Variants in LEFTY2 observed in about 807,000 individuals in gnomAD.
LEFTY2 encodes left-right determination factor 2.
In LEFTY2, 10 loss-of-function variants were observed where a neutral mutation model predicts 26.4. The observed-to-expected ratio is 0.38, with a 90% CI of 0.23 to 0.64. The LOEUF (loss-of-function observed/expected upper bound fraction) is 0.64, where lower values mean the gene tolerates loss of function less well. Ranked by LOEUF, LEFTY2 falls within the 30% of genes least tolerant of loss-of-function variation. LEFTY2 has a pLI of 0.56. For synonymous variants in LEFTY2, 204 were observed against 234.1 expected (o/e 0.87, Z 1.17); for missense variants, 407 against 502.1 (o/e 0.81, Z 1.81).
At chr1:225,940,284 G>A (rs1165919796) in intron 1 of LEFTY2, among the ~76,000 whole-genome samples, 1 of 152,184 alleles carries the variant, frequency 6.6e-6, no homozygotes, top group African/African-American at 2.4e-5. Context: ...CTAGCTCTGG[G>A]CACTGAGGAG....
rs1160219425 is a variant in LEFTY2 at position 225,939,523 on chromosome 1, C to T, written c.575G>A (p.Arg192Gln). The T allele has an allele frequency of 6.2e-7, 1 of 1,610,996 alleles. No homozygotes were observed. Among genetic ancestry groups the T allele is most frequent in the Admixed American group, 1.7e-5 (1 of 59,964 alleles). ...CTGTAGCAGCAGCGGCTGCCGGGGC[C>T]GGCTCAGCTGCTGCCAGAAGTTCAC... ...EAVNFWQQLS[R>Q]PRQPLLLQVS... Residue 192 changes from arginine (R) to glutamine (Q), a missense_variant, in exon 3 of 4, where the codon CGG becomes CAG. Transcript: ENST00000366820. This position sits in a 1 kb window ranked among gnomAD's most constrained non-coding sequence, Gnocchi z 4.1.
intron 1 of LEFTY2, 139 bp from the exon 2 acceptor site, chr1:225,940,141 T>G: frequency 7.5e-7 from 1 of 1,342,036 alleles, no homozygotes; most frequent in Non-Finnish European, 1.0e-6. Context: ...TTACAAATCT[T>G]CCTTGGATCT....
At chr1:225,940,113 C>T (rs429638) in intron 1 of LEFTY2, 111 bp from the exon 2 acceptor site, 87 of 1,527,302 alleles carry the variant, frequency 5.7e-5, no homozygotes, top group African/African-American at 4.6e-4. Flanking sequence ...CCTGTTCTAT[C>T]TCTGGGGCAA....
At position 225,939,338 on chromosome 1, in the gene LEFTY2, C is replaced by T; in HGVS notation, c.737+23G>A. On this transcript the variant is annotated intron_variant, in intron 3 of 3. Coordinates refer to ENST00000366820, the MANE Select transcript of LEFTY2 (RefSeq NM_003240.5). This position sits in a 1 kb window ranked among gnomAD's most constrained non-coding sequence, Gnocchi z 4.1. ...GACCACTCAGTGGCTGCTTGCCTCC[C>T]TTCTGCCCAGTCCTGCACCTACCCA... 6.2e-7 allele frequency: 1 copy of T among 1,613,306 alleles called. No individual in the cohort carries two copies. The highest frequency in any genetic ancestry group is 1.1e-5 in the South Asian group (1 of 91,018).
rs868795554 is a variant in LEFTY2, at chr1:225,939,687, T to C, written c.497+69A>G. The C allele has an allele frequency of 1.4e-3, 2,191 of 1,607,728 alleles. 26 individuals carry two copies. The African/African-American group carries it at 0.022, about 16-fold the overall frequency. On this transcript the variant is annotated intron_variant, in intron 2 of 3. Transcript: ENST00000366820. This position sits in a 1 kb window ranked among gnomAD's most constrained non-coding sequence, Gnocchi z 4.1. ...GCCCCGAGGACCCTGCACCGCCCCC[T>C]GCGTCCCCGCCCCCAAGCCGGGCCG...
In LEFTY2 at chr1:225,939,016, C is replaced by T. The variant is rs1044088250; in HGVS notation, c.737+345G>A. On this transcript the variant is annotated intron_variant, in intron 3 of 3. Coordinates refer to ENST00000366820, the MANE Select transcript of LEFTY2 (RefSeq NM_003240.5). This position sits in a 1 kb window ranked among gnomAD's most constrained non-coding sequence, Gnocchi z 4.1. ...CCTCCTGAGTAGCTGGGATTACAGG[C>T]ACGCGCCACCACGCCCGGCTAATTT... is the stretch of plus-strand genomic sequence containing the variant. Among the ~76,000 whole-genome samples the T allele has an allele frequency of 2.0e-5, 3 of 151,840 alleles. No individual in the cohort carries two copies. The highest frequency in any genetic ancestry group is 7.3e-5 in the African/African-American group (3 of 41,334).
intron 1 of LEFTY2, among the ~76,000 whole-genome samples, chr1:225,940,330 CA>C (rs1392105206): frequency 6.6e-6 from 1 of 152,224 alleles, no homozygotes; most frequent in Non-Finnish European, 1.5e-5. Context: ...GATTCAGGCC[CA>C]GTTGCACCCC....
rs1193929224 is a variant in LEFTY2, at chr1:225,939,015, GCACGCGCCAC to G, written c.737+336_737+345del. Among the ~76,000 whole-genome samples the G allele has an allele frequency of 6.6e-6, 1 of 151,720 alleles. No individual in the cohort carries two copies. The highest frequency in any genetic ancestry group is 6.6e-5 in the Admixed American group (1 of 15,228). On this transcript the variant is annotated intron_variant, in intron 3 of 3. Transcript: ENST00000366820. This position sits in a 1 kb window ranked among gnomAD's most constrained non-coding sequence, Gnocchi z 4.1. ...GCCTCCTGAGTAGCTGGGATTACAG[GCACGCGCCAC>G]CACGCCCGGCTAATTTTTGTATTTT...
rs1461187771 is a variant in LEFTY2 at position 225,941,201 on chromosome 1, GGTC to G, written c.-64_-62del. Reference sequence around the variant, plus strand: ...CTGTCCTCTAGGGAGGTTGAAGGAGGGTCTCAGGCAGCTGGGTGTGCTGAGAGC... The same window carrying G: ...CTGTCCTCTAGGGAGGTTGAAGGAGGTCAGGCAGCTGGGTGTGCTGAGAGC... On this transcript the variant is annotated 5_prime_UTR_variant, in exon 1 of 4. Transcript: ENST00000366820. 1.4e-6 allele frequency: 2 copies of G among 1,470,038 alleles called. No homozygotes were observed. The highest frequency in any genetic ancestry group is 1.8e-6 in the Non-Finnish European group (2 of 1,115,246). The allele number at this position is 1,470,038 out of a possible 1,614,324, so 91.1% of individuals were successfully genotyped here. A position where few individuals can be genotyped will look rare whatever the true frequency, so the allele number is the denominator to read the frequency against.
intron 3 of LEFTY2, among the ~76,000 whole-genome samples, chr1:225,938,402 A>G (rs1486434175): frequency 2.0e-5 from 3 of 152,280 alleles, no homozygotes; most frequent in Non-Finnish European, 4.4e-5. Context: ...GTCAATGGCA[A>G]TAGAAAAATC....
chr1:225,937,712 C>T lies in LEFTY2; in HGVS notation c.830G>A (p.Trp277Ter). 6.2e-7 allele frequency: 1 copy of T among 1,613,068 alleles called. No individual in the cohort carries two copies. The highest frequency in any genetic ancestry group is 8.5e-7 in the Non-Finnish European group (1 of 1,179,138). ...GGGCTCCAGCACCCAGTTCTTGGCC[C>T]ACTTCATCCCCTGCAGGTCAATGTA... ...EMYIDLQGMKWAKNWVLEPPG... is the reference protein window; with the variant it reads ...EMYIDLQGMK Residue 277 changes from tryptophan to a stop codon, truncating the protein, a stop_gained, in exon 4 of 4, where the codon TGG becomes TAG. Coordinates refer to ENST00000366820, the MANE Select transcript of LEFTY2 (RefSeq NM_003240.5). LOFTEE classifies it high-confidence loss of function.
rs1576155664 is a variant in LEFTY2 at position 225,937,926 on chromosome 1, A to C, written c.738-122T>G. The C allele has an allele frequency of 3.1e-6, 4 of 1,282,928 alleles. No homozygotes were observed. The East Asian group carries it at 1.0e-4, about 33-fold the overall frequency. The allele number at this position is 1,282,928 out of a possible 1,614,324, so 79.5% of individuals were successfully genotyped here. On this transcript the variant is annotated intron_variant, in intron 3 of 3. Transcript: ENST00000366820. Reference sequence around the variant, plus strand: ...TGATCCAGCTCTCACTATGTTCTAAAAGCTGGATATTTGTGAGAAGATGAA... The same window carrying C: ...TGATCCAGCTCTCACTATGTTCTAACAGCTGGATATTTGTGAGAAGATGAA...
Position 225,937,132 on chromosome 1 carries a change from C to T in LEFTY2, c.*309G>A. On this transcript the variant is annotated 3_prime_UTR_variant, in exon 4 of 4. Coordinates refer to ENST00000366820, the MANE Select transcript of LEFTY2 (RefSeq NM_003240.5). The stretch of plus-strand genomic sequence containing the variant: ...AATCATAGGGTATTATTGTTCCAGA[C>T]TCAGTGAAGAATTTGCCAGAGAACA... 2 of 512,608 alleles carry T rather than the reference C, an allele frequency of 3.9e-6. No individual in the cohort carries two copies. The highest frequency in any genetic ancestry group is 7.1e-6 in the Non-Finnish European group (2 of 282,842). The allele number at this position is 512,608 out of a possible 1,614,324, so 31.8% of individuals were successfully genotyped here. A position where few individuals can be genotyped will look rare whatever the true frequency, so the allele number is the denominator to read the frequency against.
intron 3 of LEFTY2, 84 bp from the exon 4 acceptor site, chr1:225,937,888 G>C (rs1672198317): frequency 6.7e-7 from 1 of 1,498,294 alleles, no homozygotes; most frequent in African/African-American, 1.4e-5. Context: ...TGGGCACCTG[G>C]GAGGGAGGTT....
intron 3 of LEFTY2, among the ~76,000 whole-genome samples, chr1:225,938,672 G>A (rs1434066311): frequency 2.0e-5 from 3 of 150,662 alleles, no homozygotes; most frequent in African/African-American, 2.4e-5. Context: ...TTTTTTTGTC[G>A]TTTCTTTAAA....
rs1386542770 is a variant in LEFTY2 at position 225,941,152 on chromosome 1, G to A, written c.-12C>T. On this transcript the variant is annotated 5_prime_UTR_variant, in exon 1 of 4. Coordinates refer to ENST00000366820, the MANE Select transcript of LEFTY2 (RefSeq NM_003240.5). ...CACAGGGGCCACATGGTGCTGCCCTGGGGGAGCAGGAGGCAGAGTGGGGCT... is the reference window on the plus strand; with the variant it reads ...CACAGGGGCCACATGGTGCTGCCCTAGGGGAGCAGGAGGCAGAGTGGGGCT... 1.3e-6 allele frequency: 2 copies of A among 1,533,984 alleles called. No individual in the cohort carries two copies. Among genetic ancestry groups the A allele is most frequent in the South Asian group, 2.5e-5 (2 of 80,718 alleles).
In LEFTY2 at chr1:225,939,256, A is replaced by AC; in HGVS notation, c.737+104dup. 5 of 1,554,330 alleles carry AC rather than the reference A, an allele frequency of 3.2e-6. No homozygotes were observed. The highest frequency in any genetic ancestry group is 4.4e-6 in the Non-Finnish European group (5 of 1,145,952). On this transcript the variant is annotated intron_variant, in intron 3 of 3. Coordinates refer to ENST00000366820, the MANE Select transcript of LEFTY2 (RefSeq NM_003240.5). This position sits in a 1 kb window ranked among gnomAD's most constrained non-coding sequence, Gnocchi z 4.1. Reference sequence around the variant, plus strand: ...GGACAGTCTGCACCGCGCTCTCCCTACCCCTAGCCCACCGCCACCATCCGG... The same window carrying AC: ...GGACAGTCTGCACCGCGCTCTCCCTACCCCCTAGCCCACCGCCACCATCCGG...
Position 225,939,638 on chromosome 1 carries a change from G to A in LEFTY2, c.498-38C>T, listed in dbSNP as rs1286926212. The stretch of plus-strand genomic sequence containing the variant: ...ACACACGACACGGAGACCCAGCGCC[G>A]CTTGAGGGCGGGGACTGGGACGGGC... On this transcript the variant is annotated intron_variant, in intron 2 of 3. Coordinates refer to ENST00000366820, the MANE Select transcript of LEFTY2 (RefSeq NM_003240.5). The surrounding 1 kb of genome is among the most constrained non-coding windows in gnomAD (Gnocchi z 4.1). 1 of 1,612,250 alleles carries A rather than the reference G, an allele frequency of 6.2e-7. No individual in the cohort carries two copies. Among genetic ancestry groups the A allele is most frequent in the Middle Eastern group, 1.7e-4 (1 of 6,016 alleles).
Position 225,939,327 on chromosome 1 carries a change from T to C in LEFTY2, c.737+34A>G. On this transcript the variant is annotated intron_variant, in intron 3 of 3. Coordinates refer to ENST00000366820, the MANE Select transcript of LEFTY2 (RefSeq NM_003240.5). The surrounding 1 kb of genome is among the most constrained non-coding windows in gnomAD (Gnocchi z 4.1). The stretch of plus-strand genomic sequence containing the variant: ...ACGGGGGTCTGGACCACTCAGTGGC[T>C]GCTTGCCTCCCTTCTGCCCAGTCCT... The C allele has an allele frequency of 6.2e-7, 1 of 1,612,924 alleles. No individual in the cohort carries two copies. The highest frequency in any genetic ancestry group is 8.5e-7 in the Non-Finnish European group (1 of 1,179,638).
Sources: allele counts gnomAD v4.1 joint callset (sites outside exome capture counted in the v4.1 genomes callset), GRCh38; gene constraint gnomAD v4.1.1; non-coding constraint Gnocchi (gnomAD v3.1); transcripts MANE v1.5; gene names NCBI Gene and HGNC (gene_info 2026-07-23, HGNC 2026-07-21).